The following MBP variants were observed in gnomAD, a reference collection of about 807,000 sequenced individuals.
MBP encodes myelin basic protein.
Under a neutral mutation model 35.8 loss-of-function variants are expected in MBP, and 16 were observed. That is an observed-to-expected ratio of 0.45 (90% CI 0.30 to 0.68). MBP has a LOEUF of 0.68. MBP is among the 30% of genes least tolerant of loss of function. The probability of loss-of-function intolerance (pLI) is 0.08; values close to 1 mark genes in which losing one functional copy is unlikely to be tolerated. For missense variants in MBP, 380 were observed against 404.7 expected, an observed-to-expected ratio of 0.94 and a Z score of 0.52; for synonymous variants, 143 against 159.6, an observed-to-expected ratio of 0.90 and a Z score of 0.78.
intron 3 of MBP, among the ~76,000 whole-genome samples, chr18:77,050,214 T>C (rs189605336): frequency 6.6e-6 from 1 of 152,328 alleles, no homozygotes; most frequent in Non-Finnish European, 1.5e-5. Context: ...TATGGAAACG[T>C]TTCCAAACTT....
chr18:77,004,110 G>A (rs1290974869), intron 4 of MBP: 1 of 152,210 alleles, frequency 6.6e-6, no homozygotes, highest in African/African-American at 2.4e-5. Context: ...GGTGGGCCAT[G>A]CTGTCTCCCC....
chr18:77,120,903 C>T (rs991402087), intron 1 of MBP, among the ~76,000 whole-genome samples: 25 of 152,214 alleles, frequency 1.6e-4, no homozygotes, highest in African/African-American at 5.8e-4. Context: ...AGGATCAACC[C>T]ATACAAAAAT....
In MBP at chr18:76,979,056, T is replaced by C. The variant is rs1969041722; in HGVS notation, c.*1371A>G. Reference sequence around the variant, plus strand: ...CATCGAGGCTATATATTAATAGACATGGTATTAAGCCCACACGAAACATTC... The same window carrying C: ...CATCGAGGCTATATATTAATAGACACGGTATTAAGCCCACACGAAACATTC... On this transcript the variant is annotated 3_prime_UTR_variant, in exon 9 of 9. Coordinates refer to ENST00000355994, the MANE Select transcript of MBP (RefSeq NM_001025101.2). 1 of 152,156 alleles carries C rather than the reference T, an allele frequency of 6.6e-6. No individual in the cohort carries two copies. The highest frequency in any genetic ancestry group is 1.5e-5 in the Non-Finnish European group (1 of 68,028). 9.4% of individuals were successfully genotyped at this position (152,156 alleles called of 1,614,324 possible). A position where few individuals can be genotyped will look rare whatever the true frequency, so the allele number is the denominator to read the frequency against.
intron 7 of MBP, chr18:76,987,608 A>G (rs78838013): frequency 9.8e-5 from 97 of 985,128 alleles, no homozygotes; most frequent in Non-Finnish European, 1.1e-4. Context: ...CATTTATATG[A>G]TGCTTATTAA....
chr18:76,986,264 G>A (rs1453620112), intron 7 of MBP: 1 of 985,422 alleles, frequency 1.0e-6, no homozygotes, highest in East Asian at 1.1e-4. Context: ...GCCCTCTCCT[G>A]AAGACTTGAG....
intron 2 of MBP, among the ~76,000 whole-genome samples, chr18:77,095,812 G>A (rs972792194): frequency 6.6e-6 from 1 of 152,238 alleles, no homozygotes; most frequent in Non-Finnish European, 1.5e-5. Flanking sequence ...ACCCCAGGCA[G>A]TTAGGATTCA....
At chr18:77,060,303 A>C (rs1973915817) in intron 3 of MBP, among the ~76,000 whole-genome samples, 1 of 152,180 alleles carries the variant, frequency 6.6e-6, no homozygotes, top group Admixed American at 6.5e-5. Flanking sequence ...ATGAGTGTTT[A>C]TGGCAGATGT....
chr18:76,985,241 CATCAAGCAA>C, intron 7 of MBP: 1 of 1,368,116 alleles, frequency 7.3e-7, no homozygotes, highest in Non-Finnish European at 9.7e-7. Context: ...GATTAGCAAA[CATCAAGCAA>C]ATCAAGGTAA....
rs1261909 is a variant in MBP, at chr18:77,036,881, G to A, written c.140-19613C>T. Among the ~76,000 whole-genome samples the A allele has an allele frequency of 8.1e-3, 705 of 86,940 alleles. 6 individuals carry two copies. Among genetic ancestry groups the A allele is most frequent in the East Asian group, 0.038 (64 of 1,672 alleles). The allele number at this position is 86,940 out of a possible 152,430, so 57.0% of individuals were successfully genotyped here. A position where few individuals can be genotyped will look rare whatever the true frequency, so the allele number is the denominator to read the frequency against. On this transcript the variant is annotated intron_variant, in intron 3 of 8. Coordinates refer to ENST00000355994, the MANE Select transcript of MBP (RefSeq NM_001025101.2). ...ACTGAGCTGAGCAAGTGCTGGTCAC[G>A]TTTTGGAGACTGAGCTGAGCAAGTG...
Position 77,048,546 on chromosome 18 carries a change from G to A in MBP, c.139+17752C>T, listed in dbSNP as rs547507331. ...TGCAATGGTGTGATCTTGGCTCACT[G>A]CAACCTCCGCCTCCTGGGTTAATTC... is the stretch of plus-strand genomic sequence containing the variant. On this transcript the variant is annotated intron_variant, in intron 3 of 8. Coordinates refer to ENST00000355994, the MANE Select transcript of MBP (RefSeq NM_001025101.2). 7.3e-5 allele frequency among the ~76,000 whole-genome samples: 7 copies of A among 96,026 alleles called. 1 individual carries two copies. In the South Asian group the frequency reaches 1.7e-3, roughly 24 times the overall value. 63.0% of individuals were successfully genotyped at this position (96,026 alleles called of 152,430 possible).
At chr18:77,062,131 A>T (rs1400704615) in intron 3 of MBP, among the ~76,000 whole-genome samples, 2 of 152,244 alleles carry the variant, frequency 1.3e-5, no homozygotes, top group African/African-American at 4.8e-5. Context: ...AACCACAGTC[A>T]GTCACCGGGG....
intron 2 of MBP, among the ~76,000 whole-genome samples, chr18:77,098,369 G>A (rs114540419): frequency 2.6e-5 from 4 of 152,168 alleles, no homozygotes; most frequent in African/African-American, 7.2e-5. Flanking sequence ...CACCCAACTA[G>A]CTGGTGGTGA....
intron 4 of MBP, among the ~76,000 whole-genome samples, chr18:77,012,418 G>A (rs1314093523): frequency 1.3e-5 from 2 of 152,246 alleles, no homozygotes; most frequent in Non-Finnish European, 2.9e-5. Context: ...GATGCTTTGA[G>A]AGAAACACAA....
At chr18:77,008,978 G>A (rs879725741) in intron 4 of MBP, among the ~76,000 whole-genome samples, 14 of 152,236 alleles carry the variant, frequency 9.2e-5, no homozygotes, top group Non-Finnish European at 1.8e-4. Context: ...GTGCGCCATT[G>A]AGCATAGCTG....
At chr18:77,072,843 C>T (rs181582162) in intron 2 of MBP, among the ~76,000 whole-genome samples, 2 of 152,318 alleles carry the variant, frequency 1.3e-5, no homozygotes, top group East Asian at 3.9e-4. Flanking sequence ...CCCCATCTTG[C>T]GGCATCATTA....
chr18:77,121,881 A>AAC (rs1344072081), intron 1 of MBP, among the ~76,000 whole-genome samples: 1 of 152,224 alleles, frequency 6.6e-6, no homozygotes, highest in Non-Finnish European at 1.5e-5. Context: ...AAACACCTGG[A>AAC]ACACACAGCC....
Position 77,050,468 on chromosome 18 carries a change from GT to G in MBP, c.139+15829del, listed in dbSNP as rs556685322. Among the ~76,000 whole-genome samples the G allele has an allele frequency of 1.8e-3, 277 of 152,292 alleles. 1 individual carries two copies. Among genetic ancestry groups the G allele is most frequent in the African/African-American group, 6.4e-3 (265 of 41,564 alleles). Reference sequence around the variant, plus strand: ...CCTGTAGCTTGCCACAGTATTAGCTGTTTACAAGGGCAGTTCCTTCTTCATT... The same window carrying G: ...CCTGTAGCTTGCCACAGTATTAGCTGTTACAAGGGCAGTTCCTTCTTCATT... On this transcript the variant is annotated intron_variant, in intron 3 of 8. Transcript: ENST00000355994.
chr18:76,988,415 A>G lies in MBP; in HGVS notation c.750+80T>C. The G allele has an allele frequency of 6.2e-7, 1 of 1,614,164 alleles. No individual in the cohort carries two copies. The highest frequency in any genetic ancestry group is 8.5e-7 in the Non-Finnish European group (1 of 1,179,994). On this transcript the variant is annotated intron_variant, in intron 7 of 8. Coordinates refer to ENST00000355994, the MANE Select transcript of MBP (RefSeq NM_001025101.2). The surrounding 1 kb of genome is among the most constrained non-coding windows in gnomAD (Gnocchi z 5.2). ...AAAAGGAGGCCAGGAAGCAACCGAAACAGAGCAGAACACAAAAGTTGCGGG... is the reference window on the plus strand; with the variant it reads ...AAAAGGAGGCCAGGAAGCAACCGAAGCAGAGCAGAACACAAAAGTTGCGGG...
chr18:77,048,058 AC>A (rs1973327016), intron 3 of MBP, among the ~76,000 whole-genome samples: 2 of 152,214 alleles, frequency 1.3e-5, no homozygotes, highest in South Asian at 4.1e-4. Flanking sequence ...GGAATTAAAC[AC>A]TTAAATGAGC....
Sources: allele counts gnomAD v4.1 joint callset (sites outside exome capture counted in the v4.1 genomes callset), GRCh38; gene constraint gnomAD v4.1.1; non-coding constraint Gnocchi (gnomAD v3.1); transcripts MANE v1.5; gene names NCBI Gene and HGNC (gene_info 2026-07-23, HGNC 2026-07-21).